TEAD1: variants seen among roughly 807,000 people sequenced by gnomAD.
TEAD1 encodes TEA domain transcription factor 1, also known as transcriptional enhancer factor TEF-1.
A neutral mutation model predicts 54.9 loss-of-function variants in TEAD1; 9 were observed. The observed-to-expected ratio is 0.16, with a 90% CI of 0.10 to 0.29. The LOEUF (loss-of-function observed/expected upper bound fraction) is 0.29, where lower values mean the gene tolerates loss of function less well. TEAD1 is among the 10% of genes least tolerant of loss of function. TEAD1 has a pLI of 1.00. For missense variants in TEAD1, 387 were observed against 535.9 expected, an observed-to-expected ratio of 0.72 and a Z score of 2.74; for synonymous variants, 200 against 187.8, an observed-to-expected ratio of 1.07 and a Z score of -0.53.
intron 3 of TEAD1, among the ~76,000 whole-genome samples, chr11:12,844,523 T>C (rs1473589333): frequency 6.6e-6 from 1 of 152,100 alleles, no homozygotes; most frequent in East Asian, 1.9e-4. Flanking sequence ...CATCAAATCA[T>C]TGGGGGGCAG....
At chr11:12,894,769 G>T (rs1399893616) in intron 9 of TEAD1, among the ~76,000 whole-genome samples, 2 of 152,124 alleles carry the variant, frequency 1.3e-5, no homozygotes, top group African/African-American at 4.8e-5. Context: ...CAGAGGGACC[G>T]TATTGATTTC....
At chr11:12,849,959 A>T (rs1208219394) in intron 3 of TEAD1, among the ~76,000 whole-genome samples, 3 of 152,234 alleles carry the variant, frequency 2.0e-5, no homozygotes, top group African/African-American at 7.2e-5. Flanking sequence ...ATTGAAGAAG[A>T]TACAAAGATT....
intron 10 of TEAD1, among the ~76,000 whole-genome samples, chr11:12,914,248 T>G (rs1404540316): frequency 1.3e-5 from 2 of 152,236 alleles, no homozygotes; most frequent in African/African-American, 4.8e-5. Flanking sequence ...GCCAAATGTT[T>G]ATGAAATTCA....
At chr11:12,689,498 G>A (rs1943406755) in intron 2 of TEAD1, among the ~76,000 whole-genome samples, 1 of 152,136 alleles carries the variant, frequency 6.6e-6, no homozygotes, top group Admixed American at 6.5e-5. Context: ...TATAGTGCAG[G>A]TTCAGTGAGG....
intron 3 of TEAD1, among the ~76,000 whole-genome samples, chr11:12,821,543 A>C (rs1178318851): frequency 6.6e-6 from 1 of 152,194 alleles, no homozygotes. Flanking sequence ...ATGGGAGTAC[A>C]AATGATACCT....
At chr11:12,721,365 CA>C (rs1472112492) in intron 2 of TEAD1, among the ~76,000 whole-genome samples, 21 of 152,150 alleles carry the variant, frequency 1.4e-4, no homozygotes, top group Admixed American at 3.9e-4. Context: ...TTTATGCAAC[CA>C]CTGTGTATGA....
At chr11:12,804,376 T>A (rs894972746) in intron 3 of TEAD1, among the ~76,000 whole-genome samples, 4 of 152,250 alleles carry the variant, frequency 2.6e-5, no homozygotes, top group African/African-American at 9.6e-5. Flanking sequence ...CTAGCTTCGC[T>A]TCTTTCTCTG....
Position 12,748,945 on chromosome 11 carries a change from C to T in TEAD1, c.-54-15234C>T, listed in dbSNP as rs918935500. 3.3e-5 allele frequency among the ~76,000 whole-genome samples: 5 copies of T among 151,980 alleles called. No individual in the cohort carries two copies. The South Asian group carries it at 8.3e-4, about 25-fold the overall frequency. On this transcript the variant is annotated intron_variant, in intron 2 of 12. Transcript: ENST00000527636. ...GAGGAGGGGAACCTAGGATAATGGC[C>T]CTCCTTTTGGGTTATGCTCCAGCCA...
chr11:12,771,790 G>C (rs1414689987), intron 3 of TEAD1, among the ~76,000 whole-genome samples: 1 of 152,146 alleles, frequency 6.6e-6, no homozygotes, highest in Non-Finnish European at 1.5e-5. Context: ...AATTTATCAA[G>C]GGCAAAACTG....
intron 3 of TEAD1, among the ~76,000 whole-genome samples, chr11:12,803,963 G>A (rs1946117654): frequency 6.6e-6 from 1 of 152,194 alleles, no homozygotes; most frequent in African/African-American, 2.4e-5. Context: ...AGGGCTCTGG[G>A]AGACTTTTGC....
intron 9 of TEAD1, among the ~76,000 whole-genome samples, chr11:12,885,948 G>T (rs1446997082): frequency 6.6e-6 from 1 of 152,228 alleles, no homozygotes; most frequent in East Asian, 1.9e-4. Flanking sequence ...GGAGTATAAT[G>T]CCTAGCAGGG....
intron 3 of TEAD1, among the ~76,000 whole-genome samples, chr11:12,853,960 C>G (rs1354080755): frequency 6.6e-6 from 1 of 152,084 alleles, no homozygotes; most frequent in Non-Finnish European, 1.5e-5. Context: ...TAATAAGCCC[C>G]TGGGTGAATG....
chr11:12,908,007 A>ATGG, intron 10 of TEAD1, among the ~76,000 whole-genome samples: 1 of 152,320 alleles, frequency 6.6e-6, no homozygotes, highest in East Asian at 1.9e-4. Context: ...GTGTGTTTAC[A>ATGG]TGGGAGCTAA....
chr11:12,865,741 CCTGA>C (rs1298334208), intron 5 of TEAD1, among the ~76,000 whole-genome samples: 2 of 151,978 alleles, frequency 1.3e-5, no homozygotes, highest in African/African-American at 4.8e-5. Flanking sequence ...ATAAAACATA[CCTGA>C]CTTTTATTTT....
intron 3 of TEAD1, among the ~76,000 whole-genome samples, chr11:12,780,810 T>C (rs1337074372): frequency 6.6e-6 from 1 of 152,224 alleles, no homozygotes; most frequent in African/African-American, 2.4e-5. Flanking sequence ...GTGAAATCCT[T>C]ATCAGAATCC....
intron 9 of TEAD1, among the ~76,000 whole-genome samples, chr11:12,884,370 C>T (rs751189412): frequency 3.3e-5 from 5 of 152,210 alleles, no homozygotes; most frequent in African/African-American, 4.8e-5. Flanking sequence ...CTCACCCCAT[C>T]CTTCCCATCT....
chr11:12,723,021 A>T (rs981267625), intron 2 of TEAD1, among the ~76,000 whole-genome samples: 3 of 151,444 alleles, frequency 2.0e-5, no homozygotes, highest in South Asian at 4.2e-4. Flanking sequence ...ATACTTTGGG[A>T]TATGGCCTTG....
intron 2 of TEAD1, among the ~76,000 whole-genome samples, chr11:12,716,151 G>C (rs1358981275): frequency 6.6e-6 from 1 of 152,042 alleles, no homozygotes; most frequent in Non-Finnish European, 1.5e-5. Context: ...CCGAGGGATG[G>C]GAGGGGGAGC....
At chr11:12,923,151 A>G (rs911988872) in intron 10 of TEAD1, among the ~76,000 whole-genome samples, 1 of 152,096 alleles carries the variant, frequency 6.6e-6, no homozygotes, top group Admixed American at 6.5e-5. Context: ...TTTGGAAGGC[A>G]GAGCTGGTTG....
Sources: allele counts gnomAD v4.1 joint callset (sites outside exome capture counted in the v4.1 genomes callset), GRCh38; gene constraint gnomAD v4.1.1; transcripts MANE v1.5; gene names NCBI Gene and HGNC (gene_info 2026-07-23, HGNC 2026-07-21).